Variants in PLPPR5 observed in about 807,000 individuals in gnomAD.
PLPPR5 encodes the protein phospholipid phosphatase-related protein type 5.
PLPPR5 carries 16 observed loss-of-function variants against 33.9 expected under a neutral mutation model. That is an observed-to-expected ratio of 0.47 (90% CI 0.32 to 0.72). The LOEUF (loss-of-function observed/expected upper bound fraction) is 0.72, where lower values mean the gene tolerates loss of function less well. PLPPR5 is among the 30% of genes least tolerant of loss of function. PLPPR5 has a pLI of 0.03. For synonymous variants in PLPPR5, 163 were observed against 150.3 expected, an observed-to-expected ratio of 1.08 and a Z score of -0.62; for missense variants, 301 against 406.7, an observed-to-expected ratio of 0.74 and a Z score of 2.23.
At chr1:98,993,392 GA>G (rs1216179703) in intron 1 of PLPPR5, among the ~76,000 whole-genome samples, 1 of 151,936 alleles carries the variant, frequency 6.6e-6, no homozygotes, top group Admixed American at 6.6e-5. Flanking sequence ...TTTAGCCCAG[GA>G]AAAATAAAAA....
chr1:98,921,014 A>G (rs2101160575), intron 4 of PLPPR5, among the ~76,000 whole-genome samples: 1 of 152,304 alleles, frequency 6.6e-6, no homozygotes, highest in South Asian at 2.1e-4. Context: ...CTATACTTTA[A>G]GAGTATAATC....
intron 1 of PLPPR5, among the ~76,000 whole-genome samples, chr1:98,976,180 C>T (rs1651846637): frequency 7.5e-6 from 1 of 133,758 alleles, no homozygotes; most frequent in South Asian, 2.5e-4. Flanking sequence ...AATGAGCTAA[C>T]AAAAGGAAGA....
chr1:98,915,220 C>T (rs1649300810), intron 4 of PLPPR5, among the ~76,000 whole-genome samples: 1 of 152,076 alleles, frequency 6.6e-6, no homozygotes, highest in African/African-American at 2.4e-5. Context: ...ATAGTCAATG[C>T]TCAAATCAAT....
At chr1:98,932,835 G>A (rs149493064) in intron 3 of PLPPR5, among the ~76,000 whole-genome samples, 83 of 152,252 alleles carry the variant, frequency 5.5e-4, no homozygotes, top group African/African-American at 1.8e-3. Context: ...ATGATGTTAG[G>A]TGGGTGATGA....
intron 3 of PLPPR5, among the ~76,000 whole-genome samples, chr1:98,945,004 T>C (rs1337522897): frequency 6.6e-6 from 1 of 152,180 alleles, no homozygotes; most frequent in African/African-American, 2.4e-5. Flanking sequence ...TCATTATAAG[T>C]TGTTGTTGTT....
chr1:98,923,511 T>C (rs1033774357), intron 3 of PLPPR5, among the ~76,000 whole-genome samples: 15 of 152,022 alleles, frequency 9.9e-5, no homozygotes, highest in African/African-American at 3.6e-4. Context: ...AATCCAGTAA[T>C]TATCTTCTCT....
At chr1:98,959,250 T>C (rs1301952828) in intron 1 of PLPPR5, among the ~76,000 whole-genome samples, 1 of 152,164 alleles carries the variant, frequency 6.6e-6, no homozygotes, top group Non-Finnish European at 1.5e-5. Context: ...AGAACTGCCT[T>C]GCTGGGGCCA....
chr1:98,931,546 G>GAGTCA (rs1649965929), intron 3 of PLPPR5, among the ~76,000 whole-genome samples: 1 of 152,292 alleles, frequency 6.6e-6, no homozygotes, highest in Non-Finnish European at 1.5e-5. Flanking sequence ...TGCAGTACAG[G>GAGTCA]AGTCAAGGAT....
intron 3 of PLPPR5, among the ~76,000 whole-genome samples, chr1:98,949,188 T>C (rs1358767542): frequency 6.6e-6 from 1 of 152,098 alleles, no homozygotes; most frequent in African/African-American, 2.4e-5. Flanking sequence ...AATTATAAAT[T>C]TGATGACTGA....
At chr1:99,002,957 C>G (rs1223624632) in intron 1 of PLPPR5, among the ~76,000 whole-genome samples, 2 of 142,122 alleles carry the variant, frequency 1.4e-5, no homozygotes, top group Non-Finnish European at 3.1e-5. Flanking sequence ...AAAAATCGAC[C>G]TTTTTTTTTT....
intron 1 of PLPPR5, among the ~76,000 whole-genome samples, chr1:98,961,362 G>A (rs1651244219): frequency 6.6e-6 from 1 of 152,186 alleles, no homozygotes; most frequent in African/African-American, 2.4e-5. Flanking sequence ...AGAGGAGGAG[G>A]TAACCTTTTT....
chr1:98,909,805 CA>C (rs1649054256), intron 5 of PLPPR5, among the ~76,000 whole-genome samples: 2 of 151,804 alleles, frequency 1.3e-5, no homozygotes, highest in African/African-American at 4.8e-5. Flanking sequence ...ATATGACAAG[CA>C]GTCATAAAAA....
intron 1 of PLPPR5, among the ~76,000 whole-genome samples, chr1:98,993,629 T>C (rs1017158052): frequency 3.9e-5 from 6 of 152,078 alleles, no homozygotes; most frequent in African/African-American, 1.4e-4. Context: ...TAGGGGTTCA[T>C]TTTAAATTAC....
chr1:98,903,461 A>G (rs1648777107), intron 5 of PLPPR5, among the ~76,000 whole-genome samples: 1 of 152,178 alleles, frequency 6.6e-6, no homozygotes. Flanking sequence ...GTAATGTATA[A>G]TCATATTTGT....
At chr1:98,968,115 A>G (rs1478604615) in intron 1 of PLPPR5, among the ~76,000 whole-genome samples, 1 of 152,156 alleles carries the variant, frequency 6.6e-6, no homozygotes, top group Non-Finnish European at 1.5e-5. Context: ...AATGCTGCTG[A>G]TTAAACTTTA....
At chr1:98,912,334 T>C (rs1318460268) in intron 5 of PLPPR5, among the ~76,000 whole-genome samples, 1 of 152,162 alleles carries the variant, frequency 6.6e-6, no homozygotes, top group East Asian at 1.9e-4. Context: ...TTAGAACAAT[T>C]CAATGGCTTA....
chr1:98,996,147 T>A (rs926118676), intron 1 of PLPPR5, among the ~76,000 whole-genome samples: 1 of 151,958 alleles, frequency 6.6e-6, no homozygotes, highest in Admixed American at 6.6e-5. Context: ...GAAGAATATA[T>A]CAGAATATTC....
intron 3 of PLPPR5, among the ~76,000 whole-genome samples, chr1:98,925,886 T>C (rs1471346174): frequency 1.3e-5 from 2 of 152,286 alleles, no homozygotes; most frequent in African/African-American, 4.8e-5. Context: ...AGCACCTTGT[T>C]CCTCATCTGA....
chr1:98,924,308 G>A (rs1196239044), intron 3 of PLPPR5, among the ~76,000 whole-genome samples: 1 of 152,200 alleles, frequency 6.6e-6, no homozygotes, highest in Non-Finnish European at 1.5e-5. Flanking sequence ...TTTGATGATT[G>A]TGGTGGCACT....
Sources: allele counts gnomAD v4.1 joint callset (sites outside exome capture counted in the v4.1 genomes callset), GRCh38; gene constraint gnomAD v4.1.1; transcripts MANE v1.5; gene names NCBI Gene and HGNC (gene_info 2026-07-23, HGNC 2026-07-21).